Variants in FRMD5 observed in about 807,000 individuals in gnomAD.
FRMD5 encodes the protein FERM domain containing 5.
A neutral mutation model predicts 69.0 loss-of-function variants in FRMD5; 20 were observed. The ratio of observed to expected loss-of-function variants is 0.29; its 90% CI spans 0.20 to 0.42. The LOEUF is 0.42. FRMD5 is among the 10% of genes least tolerant of loss of function. FRMD5 has a pLI of 1.00. For missense variants in FRMD5, 595 were observed against 708.6 expected (o/e 0.84, Z 1.82); for synonymous variants, 271 against 260.1 (o/e 1.04, Z -0.40).
At chr15:44,002,831 GA>G (rs1890272571) in intron 1 of FRMD5, among the ~76,000 whole-genome samples, 1 of 152,140 alleles carries the variant, frequency 6.6e-6, no homozygotes, top group Non-Finnish European at 1.5e-5. Flanking sequence ...TCTGGAGGCA[GA>G]AACTGGGCAT....
chr15:43,972,950 C>A (rs1485077892), intron 1 of FRMD5, among the ~76,000 whole-genome samples: 1 of 152,230 alleles, frequency 6.6e-6, no homozygotes, highest in Non-Finnish European at 1.5e-5. Context: ...CTTCCCCAGG[C>A]CGAATATCTA....
At chr15:43,954,952 T>G (rs929791881) in intron 1 of FRMD5, among the ~76,000 whole-genome samples, 1 of 152,208 alleles carries the variant, frequency 6.6e-6, no homozygotes, top group African/African-American at 2.4e-5. Context: ...ATAATTATTA[T>G]CTAAAGGGAG....
intron 1 of FRMD5, among the ~76,000 whole-genome samples, chr15:43,934,456 T>A (rs2089725548): frequency 6.6e-6 from 1 of 150,684 alleles, no homozygotes; most frequent in Admixed American, 6.6e-5. Context: ...AAACAGTTTT[T>A]TTTTCTTTAA....
At chr15:44,049,496 T>A (rs1156609575) in intron 1 of FRMD5, among the ~76,000 whole-genome samples, 1 of 152,156 alleles carries the variant, frequency 6.6e-6, no homozygotes, top group Non-Finnish European at 1.5e-5. Context: ...TGCAAACAAT[T>A]TATTTATAAA....
intron 1 of FRMD5, among the ~76,000 whole-genome samples, chr15:44,002,546 T>G (rs925698013): frequency 1.3e-5 from 2 of 152,054 alleles, no homozygotes; most frequent in Non-Finnish European, 2.9e-5. Flanking sequence ...TTGTCCCTTT[T>G]AAGGGCTTAC....
chr15:44,170,631 ACT>A (rs1397505796), intron 1 of FRMD5, among the ~76,000 whole-genome samples: 1 of 151,860 alleles, frequency 6.6e-6, no homozygotes, highest in East Asian at 1.9e-4. Context: ...TCCTATAGTC[ACT>A]CTCTTTTTGG....
At chr15:44,133,815 TC>T (rs2077141283) in intron 1 of FRMD5, among the ~76,000 whole-genome samples, 1 of 152,038 alleles carries the variant, frequency 6.6e-6, no homozygotes, top group African/African-American at 2.4e-5. Context: ...TTAACACTGG[TC>T]ATATCAGGCA....
chr15:44,058,472 T>C lies in FRMD5; in HGVS notation c.103-134163A>G, dbSNP rs138837780. Among the ~76,000 whole-genome samples the C allele has an allele frequency of 1.3e-3, 200 of 152,344 alleles. 3 individuals are homozygous for C. Among genetic ancestry groups the C allele is most frequent in the African/African-American group, 4.6e-3 (193 of 41,578 alleles). ...ATAAGCTTAAAGCCACTGAATTATG[T>C]ACTTTAAATAGATAAATTGTATGAT... On this transcript the variant is annotated intron_variant, in intron 1 of 13. Coordinates refer to ENST00000417257, the MANE Select transcript of FRMD5 (RefSeq NM_032892.5).
At chr15:44,164,606 C>T (rs2077678177) in intron 1 of FRMD5, among the ~76,000 whole-genome samples, 1 of 152,132 alleles carries the variant, frequency 6.6e-6, no homozygotes, top group South Asian at 2.1e-4. Flanking sequence ...TTTTCCTGCT[C>T]AACATGGGAA....
chr15:44,191,542 C>T (rs553667581), intron 1 of FRMD5, among the ~76,000 whole-genome samples: 1 of 151,792 alleles, frequency 6.6e-6, no homozygotes, highest in African/African-American at 2.4e-5. Context: ...GCTTAGATTG[C>T]GCCATTGCAC....
chr15:44,087,703 GA>G (rs1169218467), intron 1 of FRMD5, among the ~76,000 whole-genome samples: 2 of 151,982 alleles, frequency 1.3e-5, no homozygotes, highest in Non-Finnish European at 2.9e-5. Context: ...AATAGTGCCT[GA>G]AGCATAGAAA....
At chr15:44,101,366 A>AT (rs796285855) in intron 1 of FRMD5, 19 of 152,690 alleles carry the variant, frequency 1.2e-4, no homozygotes, top group African/African-American at 4.1e-4. Context: ...ATGTCACAAG[A>AT]TACACATCTT....
chr15:43,875,804 GTTTTTTTT>G lies in FRMD5; in HGVS notation c.1136-1350_1136-1343del, dbSNP rs34063043. 66 of 210,634 alleles carry G rather than the reference GTTTTTTTT, an allele frequency of 3.1e-4. No individual in the cohort carries two copies. The East Asian group carries it at 3.4e-3, about 11-fold the overall frequency. 13.0% of individuals were successfully genotyped at this position (210,634 alleles called of 1,614,324 possible). On this transcript the variant is annotated intron_variant, in intron 13 of 13. Transcript: ENST00000417257. ...TCTTGCCTTTGGTGTCCTGGGCCTA[GTTTTTTTT>G]TTTTTTTTTTTTTTTCTTTCAGTCT...
At position 44,194,977 on chromosome 15, in the gene FRMD5, G is replaced by A. The variant is rs1327252502; in HGVS notation, c.78C>T (p.Asp26=). The change falls in exon 1 of 14, where the codon GAC becomes GAT. Residue 26 remains aspartate, a synonymous_variant. Coordinates refer to ENST00000417257, the MANE Select transcript of FRMD5 (RefSeq NM_032892.5). ...EYSCTVRLLD[D]SEYTCTIQRD... ...CCTGGATGGTGCAGGTGTACTCGCT[G>A]TCGTCCAGCAGCCGCACGGTGCAGC... 1.3e-6 allele frequency: 2 copies of A among 1,545,226 alleles called. No individual in the cohort carries two copies. The highest frequency in any genetic ancestry group is 2.8e-5 in the African/African-American group (2 of 71,018).
intron 1 of FRMD5, chr15:44,063,469 C>A: frequency 4.4e-6 from 1 of 228,690 alleles, no homozygotes; most frequent in South Asian, 6.0e-5. Context: ...CGTTTGACAA[C>A]AGCATCTTCT....
At chr15:44,010,422 G>A (rs1890662532) in intron 1 of FRMD5, among the ~76,000 whole-genome samples, 1 of 134,742 alleles carries the variant, frequency 7.4e-6, no homozygotes, top group South Asian at 2.3e-4. Context: ...TTTTTAGACA[G>A]AGTCTTGCTC....
intron 1 of FRMD5, among the ~76,000 whole-genome samples, chr15:44,038,358 C>A (rs1182886769): frequency 6.6e-6 from 1 of 151,972 alleles, no homozygotes; most frequent in Non-Finnish European, 1.5e-5. Flanking sequence ...GTCATGAACT[C>A]TTTGCCCATG....
At chr15:44,050,315 G>A (rs560295774) in intron 1 of FRMD5, among the ~76,000 whole-genome samples, 1 of 152,230 alleles carries the variant, frequency 6.6e-6, no homozygotes, top group South Asian at 2.1e-4. Context: ...AAAAATGATA[G>A]AGAAGTTATG....
rs761096757 is a variant in FRMD5, at chr15:43,924,231, G to T, written c.181C>A (p.Arg61Ser). 1 of 1,613,948 alleles carries T rather than the reference G, an allele frequency of 6.2e-7. No homozygotes were observed. The highest frequency in any genetic ancestry group is 8.5e-7 in the Non-Finnish European group (1 of 1,179,904). ...NLLEKDYFGI[R>S]FVDPDKQRHW... The stretch of plus-strand genomic sequence containing the variant: ...CGCTGCTTATCTGGGTCTACAAAGC[G>T]GATACCAAAATAGTCTTTCTCAAGT... Residue 61 changes from arginine (R) to serine (S), a missense_variant, in exon 2 of 14, where the codon CGC (arginine) becomes AGC (serine). By Grantham distance (110) the Arg-to-Ser change is moderately radical. This residue lies in a region of FRMD5 where 79 missense variants were observed against 139.9 expected (regional missense o/e 0.56). Transcript: ENST00000417257.
Sources: gnomAD v4.1 joint callset for allele counts (sites outside exome capture counted in the v4.1 genomes callset) on GRCh38, gnomAD v4.1.1 for gene constraint, gnomAD v4.1.1 regional missense constraint, MANE v1.5 for transcripts, NCBI Gene and HGNC (gene_info 2026-07-23, HGNC 2026-07-21) for gene names.